The following TNFRSF11A variants were observed in gnomAD, a reference collection of about 807,000 sequenced individuals.
TNFRSF11A encodes TNF receptor superfamily member 11a, also known as tumor necrosis factor receptor superfamily member 11A.
In TNFRSF11A, 32 loss-of-function variants were observed where a neutral mutation model predicts 55.7. The observed-to-expected ratio is 0.57, with a 90% CI of 0.43 to 0.77. The LOEUF (loss-of-function observed/expected upper bound fraction) is 0.77. Among genes scored for constraint, TNFRSF11A ranks in the 30% least tolerant of loss-of-function variants. TNFRSF11A has a pLI of 0.00. For missense variants in TNFRSF11A, 753 were observed against 809.8 expected (o/e 0.93, Z 0.85); for synonymous variants, 311 against 331.0 (o/e 0.94, Z 0.65).
At chr18:62,341,146 G>A (rs554570740) in intron 1 of TNFRSF11A, among the ~76,000 whole-genome samples, 1 of 152,294 alleles carries the variant, frequency 6.6e-6, no homozygotes, top group East Asian at 1.9e-4. Context: ...ATCAGCAGAC[G>A]GACTGAGTAA....
At chr18:62,375,386 T>C (rs1452268824) in intron 9 of TNFRSF11A, among the ~76,000 whole-genome samples, 2 of 152,182 alleles carry the variant, frequency 1.3e-5, no homozygotes, top group Non-Finnish European at 2.9e-5. Context: ...TGTGACCCTC[T>C]GCACCCTGCC....
chr18:62,377,282 T>G (rs780912121), intron 9 of TNFRSF11A, among the ~76,000 whole-genome samples: 3 of 152,244 alleles, frequency 2.0e-5, no homozygotes, highest in Non-Finnish European at 2.9e-5. Context: ...TGTTTATCCC[T>G]TCATTTACTG....
chr18:62,361,637 A>G (rs1340470048), intron 6 of TNFRSF11A, 43 bp from the exon 7 acceptor site: 1 of 1,549,982 alleles, frequency 6.5e-7, no homozygotes, highest in African/African-American at 1.4e-5. Flanking sequence ...GCGTAAAATT[A>G]AAGAATCTTT....
At position 62,359,963 on chromosome 18, in the gene TNFRSF11A, T is replaced by C. The variant is rs1909551923; in HGVS notation, c.530T>C (p.Phe177Ser). ...CACCTTTTCCCCCACAGCTGTACCT[T>C]CCTTGGAAAGAGAGTAGAACATCAT... is the stretch of plus-strand genomic sequence containing the variant. ...DKCRPWTNCT[F>S]LGKRVEHHGT... The change falls in exon 6 of 10, where the codon TTC becomes TCC. Residue 177 changes from phenylalanine (F) to serine (S), a missense_variant. Physicochemically the swap from Phe to Ser is radical, Grantham distance 155. Coordinates refer to ENST00000586569, the MANE Select transcript of TNFRSF11A (RefSeq NM_003839.4). The C allele has an allele frequency of 1.9e-6, 3 of 1,613,864 alleles. No homozygotes were observed. Among genetic ancestry groups the C allele is most frequent in the Middle Eastern group, 1.6e-4 (1 of 6,062 alleles).
At chr18:62,334,619 A>T (rs1490129055) in intron 1 of TNFRSF11A, among the ~76,000 whole-genome samples, 1 of 152,196 alleles carries the variant, frequency 6.6e-6, no homozygotes, top group Non-Finnish European at 1.5e-5. Flanking sequence ...ATTATAGCTA[A>T]TCTGGGGACT....
intron 1 of TNFRSF11A, among the ~76,000 whole-genome samples, chr18:62,330,554 A>G (rs1371617515): frequency 1.3e-5 from 2 of 152,208 alleles, no homozygotes; most frequent in East Asian, 3.9e-4. Flanking sequence ...TTCAGATTTA[A>G]TATTGAGCTG....
chr18:62,360,591 C>T (rs752268946), intron 6 of TNFRSF11A, among the ~76,000 whole-genome samples: 3 of 152,014 alleles, frequency 2.0e-5, no homozygotes, highest in South Asian at 2.1e-4. Context: ...GGATTACAGG[C>T]GCACACCACC....
chr18:62,381,360 C>G (rs534060432), intron 9 of TNFRSF11A, among the ~76,000 whole-genome samples: 9 of 152,190 alleles, frequency 5.9e-5, no homozygotes, highest in African/African-American at 2.2e-4. Flanking sequence ...CAGAGGTTCT[C>G]ACAAGAAAGA....
At chr18:62,336,454 A>G (rs2046234982) in intron 1 of TNFRSF11A, 1 of 152,284 alleles carries the variant, frequency 6.6e-6, no homozygotes, top group Non-Finnish European at 1.5e-5. Context: ...GTGCAGCCCC[A>G]GCATGGAGGC....
rs1911780614 is a variant in TNFRSF11A, at chr18:62,387,001, CGA to C, written c.*1969_*1970del. ...AAAGTAGAATGCTGAGCTGAAAACCCGAGTTTCTGCTGTGACTGTCATCTCAC... is the reference window on the plus strand; with the variant it reads ...AAAGTAGAATGCTGAGCTGAAAACCCGTTTCTGCTGTGACTGTCATCTCAC... On this transcript the variant is annotated 3_prime_UTR_variant, in exon 10 of 10. Coordinates refer to ENST00000586569, the MANE Select transcript of TNFRSF11A (RefSeq NM_003839.4). 1 of 152,150 alleles carries C rather than the reference CGA, an allele frequency of 6.6e-6. No homozygotes were observed. The highest frequency in any genetic ancestry group is 6.5e-5 in the Admixed American group (1 of 15,274). 9.4% of individuals were successfully genotyped at this position (152,150 alleles called of 1,614,324 possible).
intron 4 of TNFRSF11A, 39 bp from the exon 5 acceptor site, chr18:62,358,209 T>G (rs768727205): frequency 1.3e-6 from 2 of 1,582,912 alleles, no homozygotes; most frequent in South Asian, 1.1e-5. Flanking sequence ...TGTTTTTTGT[T>G]TGTTCTGTCT....
At position 62,387,378 on chromosome 18, in the gene TNFRSF11A, C is replaced by A. The variant is rs1330967741; in HGVS notation, c.*2344C>A. The A allele has an allele frequency of 6.6e-6, 1 of 152,086 alleles. No individual in the cohort carries two copies. The highest frequency in any genetic ancestry group is 1.5e-5 in the Non-Finnish European group (1 of 68,008). 9.4% of individuals were successfully genotyped at this position (152,086 alleles called of 1,614,324 possible). A position where few individuals can be genotyped will look rare whatever the true frequency, so the allele number is the denominator to read the frequency against. ...AGTAATGAACAGTTATTAGGGGGAACATGATAAAGAGATTATATTAAGCTT... is the reference window on the plus strand; with the variant it reads ...AGTAATGAACAGTTATTAGGGGGAAAATGATAAAGAGATTATATTAAGCTT... On this transcript the variant is annotated 3_prime_UTR_variant, in exon 10 of 10. Coordinates refer to ENST00000586569, the MANE Select transcript of TNFRSF11A (RefSeq NM_003839.4).
In TNFRSF11A at chr18:62,381,742, T is replaced by C. The variant is rs150665516; in HGVS notation, c.1568-3009T>C. On this transcript the variant is annotated intron_variant, in intron 9 of 9. Coordinates refer to ENST00000586569, the MANE Select transcript of TNFRSF11A (RefSeq NM_003839.4). ...ATACGACTAAGCAACTTTAAATTGC[T>C]TATTTTATTAAATAAACATGGTATG... 4.8e-3 allele frequency among the ~76,000 whole-genome samples: 727 copies of C among 152,368 alleles called. 5 individuals carry two copies. Among genetic ancestry groups the C allele is most frequent in the African/African-American group, 0.017 (707 of 41,578 alleles).
At chr18:62,364,640 G>C (rs183423093) in intron 7 of TNFRSF11A, among the ~76,000 whole-genome samples, 2 of 152,130 alleles carry the variant, frequency 1.3e-5, no homozygotes, top group Non-Finnish European at 2.9e-5. Flanking sequence ...CTTTTGGTGG[G>C]GGGTAGGGAG....
Position 62,357,791 on chromosome 18 carries a change from A to C in TNFRSF11A, c.428-457A>C, listed in dbSNP as rs541738022. On this transcript the variant is annotated intron_variant, in intron 4 of 9. Coordinates refer to ENST00000586569, the MANE Select transcript of TNFRSF11A (RefSeq NM_003839.4). Reference sequence around the variant, plus strand: ...TCAGGACAGTGACCTTCAAAGCAGTAATGTGTCTGCCATTCCCTGCAGACA... The same window carrying C: ...TCAGGACAGTGACCTTCAAAGCAGTCATGTGTCTGCCATTCCCTGCAGACA... 1.3e-4 allele frequency: 31 copies of C among 237,692 alleles called. 1 individual carries two copies. The South Asian group carries it at 2.1e-3, about 16-fold the overall frequency. 14.7% of individuals were successfully genotyped at this position (237,692 alleles called of 1,614,324 possible).
intron 2 of TNFRSF11A, among the ~76,000 whole-genome samples, chr18:62,349,574 C>A (rs1486092662): frequency 6.6e-6 from 1 of 152,160 alleles, no homozygotes; most frequent in Non-Finnish European, 1.5e-5. Context: ...ACAGGCTCAG[C>A]GGACCCAGGT....
chr18:62,355,832 CTTTTTG>C (rs1206861787), intron 4 of TNFRSF11A, among the ~76,000 whole-genome samples: 1 of 152,168 alleles, frequency 6.6e-6, no homozygotes, highest in African/African-American at 2.4e-5. Context: ...TCTGTTTCTA[CTTTTTG>C]TTTTTATGTA....
At chr18:62,382,134 A>ATCC (rs1911336898) in intron 9 of TNFRSF11A, among the ~76,000 whole-genome samples, 1 of 46,300 alleles carries the variant, frequency 2.2e-5, no homozygotes, top group Non-Finnish European at 3.9e-5. Context: ...TTTTTTTTTG[A>ATCC]GAGAGTCTTG....
chr18:62,331,419 C>T (rs1294709584), intron 1 of TNFRSF11A, among the ~76,000 whole-genome samples: 3 of 152,238 alleles, frequency 2.0e-5, no homozygotes, highest in African/African-American at 7.2e-5. Context: ...CTTGAATCTC[C>T]CCTTTTTTGG....
Sources: gnomAD v4.1 joint callset for allele counts (sites outside exome capture counted in the v4.1 genomes callset) on GRCh38, gnomAD v4.1.1 for gene constraint, MANE v1.5 for transcripts, NCBI Gene and HGNC (gene_info 2026-07-23, HGNC 2026-07-21) for gene names.